Variants in ZFR2 observed in about 807,000 individuals in gnomAD.
The protein encoded by ZFR2 is zinc finger RNA binding protein 2.
ZFR2 carries 104 observed loss-of-function variants against 105.7 expected under a neutral mutation model. That is an observed-to-expected ratio of 0.98 (90% CI 0.84 to 1.16). ZFR2 has a LOEUF of 1.16. ZFR2 is among the 50% of genes most tolerant of loss of function. The pLI is 0.00. For missense variants in ZFR2, 1,425 were observed against 1,355.5 expected (o/e 1.05, Z -0.80); for synonymous variants, 634 against 597.7 (o/e 1.06, Z -0.89).
At chr19:3,862,458 C>G (rs1426289446) in intron 1 of ZFR2, among the ~76,000 whole-genome samples, 2 of 152,094 alleles carry the variant, frequency 1.3e-5, no homozygotes, top group East Asian at 3.9e-4. Flanking sequence ...CCACCACACC[C>G]AGGTAATTTT....
At chr19:3,810,713 TC>T in intron 16 of ZFR2, 36 bp downstream of exon 16, 1 of 1,531,974 alleles carries the variant, frequency 6.5e-7, no homozygotes, top group Non-Finnish European at 8.8e-7. Flanking sequence ...CCCTTGGGGG[TC>T]CCAGTGGAGG....
intron 1 of ZFR2, among the ~76,000 whole-genome samples, chr19:3,853,541 CT>C (rs2038264772): frequency 6.6e-6 from 1 of 152,052 alleles, no homozygotes; most frequent in African/African-American, 2.4e-5. Context: ...ATGGATGAAC[CT>C]TGAGGACATC....
At chr19:3,856,763 C>T (rs918847480) in intron 1 of ZFR2, among the ~76,000 whole-genome samples, 1 of 152,208 alleles carries the variant, frequency 6.6e-6, no homozygotes, top group Non-Finnish European at 1.5e-5. Context: ...CGGAGTCTTG[C>T]TCTGTCGCCC....
At position 3,806,001 on chromosome 19, in the gene ZFR2, T is replaced by C; in HGVS notation, c.2768A>G (p.Glu923Gly). Residue 923 changes from glutamate to glycine, a missense_variant, in exon 19 of 19, where the codon GAG becomes GGG. Glu to Gly is a moderately conservative substitution (Grantham distance 98, BLOSUM62 -2). Transcript: ENST00000262961. ...GCCCCGCTTCTTCTCCCCTGCGCCCTCCTCTCCCTCGCCAGGTCCCCGTTG... is the reference window on the plus strand; with the variant it reads ...GCCCCGCTTCTTCTCCCCTGCGCCCCCCTCTCCCTCGCCAGGTCCCCGTTG... ...KRQRGPGEGE[E>G]GAGEKKRGRR... 2 of 1,545,744 alleles carry C rather than the reference T, an allele frequency of 1.3e-6. No individual in the cohort carries two copies. The highest frequency in any genetic ancestry group is 2.4e-5 in the South Asian group (2 of 84,024).
intron 7 of ZFR2, 26 bp downstream of exon 7, chr19:3,825,204 A>C: frequency 6.8e-7 from 1 of 1,466,200 alleles, no homozygotes; most frequent in East Asian, 2.7e-5. Context: ...TGGTGGGTAC[A>C]CGAACACGCA....
intron 5 of ZFR2, among the ~76,000 whole-genome samples, chr19:3,828,338 G>A (rs1002111319): frequency 4.6e-5 from 7 of 152,196 alleles, no homozygotes; most frequent in Admixed American, 2.6e-4. Flanking sequence ...TGAAGCCCAC[G>A]TAACAAACCC....
At chr19:3,824,693 T>G (rs1333517432) in intron 7 of ZFR2, among the ~76,000 whole-genome samples, 2 of 152,138 alleles carry the variant, frequency 1.3e-5, no homozygotes, top group Admixed American at 1.3e-4. Context: ...TCCCAGCACT[T>G]TGGAATGCCG....
chr19:3,849,235 A>T (rs151255230), intron 1 of ZFR2, among the ~76,000 whole-genome samples: 40 of 152,220 alleles, frequency 2.6e-4, no homozygotes, highest in African/African-American at 7.9e-4. Context: ...TCAGCCCAGG[A>T]CCCCAAGGAA....
chr19:3,819,125 T>C lies in ZFR2; in HGVS notation c.1851A>G (p.Ala617=), dbSNP rs758439231. The C allele has an allele frequency of 1.4e-5, 22 of 1,611,508 alleles. No homozygotes were observed. In the South Asian group the frequency reaches 2.4e-4, roughly 18 times the overall value. The change falls in exon 12 of 19, where the codon GCA becomes GCG. Residue 617 remains alanine (A), a synonymous_variant. Coordinates refer to ENST00000262961, the MANE Select transcript of ZFR2 (RefSeq NM_015174.2). ...CGGACACCAGCTTGAGGGCCCGCTCTGCGTGGGACACGGCCCTCTGCACGG... is the reference window on the plus strand; with the variant it reads ...CGGACACCAGCTTGAGGGCCCGCTCCGCGTGGGACACGGCCCTCTGCACGG... ...LLAVQRAVSH[A]ERALKLVSDT...
At chr19:3,864,158 G>C (rs575213211) in intron 1 of ZFR2, among the ~76,000 whole-genome samples, 2 of 152,236 alleles carry the variant, frequency 1.3e-5, no homozygotes, top group African/African-American at 4.8e-5. Flanking sequence ...GGAAAGGCAG[G>C]AGATCTCTTG....
In ZFR2 at chr19:3,869,032, C is replaced by T; in HGVS notation, c.-15G>A. 5.2e-6 allele frequency: 7 copies of T among 1,345,462 alleles called. No homozygotes were observed. The highest frequency in any genetic ancestry group is 3.1e-5 in the East Asian group (1 of 32,000). The allele number at this position is 1,345,462 out of a possible 1,614,324, so 83.3% of individuals were successfully genotyped here. A position where few individuals can be genotyped will look rare whatever the true frequency, so the allele number is the denominator to read the frequency against. Reference sequence around the variant, plus strand: ...CTCGTCGCCATCTTGGCGTCTTCCCCGAGCCTGGCGGACCCGCGACGTCAC... The same window carrying T: ...CTCGTCGCCATCTTGGCGTCTTCCCTGAGCCTGGCGGACCCGCGACGTCAC... On this transcript the variant is annotated 5_prime_UTR_variant, in exon 1 of 19. Coordinates refer to ENST00000262961, the MANE Select transcript of ZFR2 (RefSeq NM_015174.2).
rs536825307 is a variant in ZFR2, at chr19:3,838,165, C to T, written c.54-3182G>A. ...CAATGAACACCGTGACTGTGACACT[C>T]GATGAACACCATGACCGTGACACCC... On this transcript the variant is annotated intron_variant, in intron 1 of 18. Transcript: ENST00000262961. The surrounding 1 kb of genome is among the most constrained non-coding windows in gnomAD (Gnocchi z 4.9). Among the ~76,000 whole-genome samples, 4 of 151,508 alleles carry T rather than the reference C, an allele frequency of 2.6e-5. No individual in the cohort carries two copies. The highest frequency in any genetic ancestry group is 3.9e-4 in the East Asian group (2 of 5,130).
At chr19:3,841,656 A>C (rs1409267038) in intron 1 of ZFR2, among the ~76,000 whole-genome samples, 2 of 152,018 alleles carry the variant, frequency 1.3e-5, no homozygotes, top group African/African-American at 4.8e-5. Flanking sequence ...AAAATTAAAA[A>C]AATTAGCTGG....
At position 3,811,337 on chromosome 19, in the gene ZFR2, C is replaced by A. The variant is rs2064938467; in HGVS notation, c.2272G>T (p.Asp758Tyr). Residue 758 changes from aspartate (D) to tyrosine (Y), a missense_variant, in exon 15 of 19, where the codon GAT (aspartate) becomes TAT (tyrosine). Asp to Tyr is a radical substitution (Grantham distance 160). Transcript: ENST00000262961. Reference sequence around the variant, plus strand: ...AGGCACTTCTTGGGGCTCAGGACATCACCTGCATCAGCCTGAGGCTCCTCC... The same window carrying A: ...AGGCACTTCTTGGGGCTCAGGACATAACCTGCATCAGCCTGAGGCTCCTCC... ...GVEEPQADAGDVLSPKKCLES... is the reference protein window; with the variant it reads ...GVEEPQADAGYVLSPKKCLES... 1 of 1,603,068 alleles carries A rather than the reference C, an allele frequency of 6.2e-7. No homozygotes were observed. The highest frequency in any genetic ancestry group is 8.5e-7 in the Non-Finnish European group (1 of 1,175,532).
At position 3,831,452 on chromosome 19, in the gene ZFR2, G is replaced by C; in HGVS notation, c.703C>G (p.Pro235Ala). ...PPPGPPQQLPPPPAPAGSGSS... is the reference protein window; with the variant it reads ...PPPGPPQQLPAPPAPAGSGSS... ...CCTGAGCCTGCAGGCGCGGGCGGCG[G>C]GGGCAGCTGCTGCGGGGGTCCCGGG... Residue 235 changes from proline to alanine, a missense_variant, in exon 5 of 19, where the codon CCG becomes GCG. Pro to Ala is a conservative substitution (Grantham distance 27). Transcript: ENST00000262961. The C allele has an allele frequency of 6.5e-7, 1 of 1,549,708 alleles. No homozygotes were observed. The highest frequency in any genetic ancestry group is 8.7e-7 in the Non-Finnish European group (1 of 1,147,560).
chr19:3,824,850 T>C (rs2037931750), intron 7 of ZFR2, among the ~76,000 whole-genome samples: 4 of 152,106 alleles, frequency 2.6e-5, no homozygotes, highest in Admixed American at 2.6e-4. Context: ...GGCAGGAGAA[T>C]CGCTTGAACC....
intron 9 of ZFR2, 71 bp from the exon 10 acceptor site, chr19:3,821,550 G>A: frequency 6.9e-7 from 1 of 1,448,260 alleles, no homozygotes; most frequent in Admixed American, 2.2e-5. Context: ...GGATCTTGGG[G>A]TGCAGGGAGA....
chr19:3,816,959 G>A (rs977319045), intron 12 of ZFR2, 114 bp from the exon 13 acceptor site: 28 of 975,196 alleles, frequency 2.9e-5, no homozygotes, highest in African/African-American at 1.7e-4. Flanking sequence ...TCTGTGCCTC[G>A]GCATCCTCAT....
intron 7 of ZFR2, among the ~76,000 whole-genome samples, chr19:3,824,145 C>T (rs2037924752): frequency 1.3e-5 from 2 of 152,038 alleles, no homozygotes; most frequent in Admixed American, 1.3e-4. Context: ...AAAAAAAATA[C>T]AAAAAGTAGT....
Sources: allele counts gnomAD v4.1 joint callset (sites outside exome capture counted in the v4.1 genomes callset), GRCh38; gene constraint gnomAD v4.1.1; non-coding constraint Gnocchi (gnomAD v3.1); transcripts MANE v1.5; gene names NCBI Gene and HGNC (gene_info 2026-07-23, HGNC 2026-07-21).